OGDH: variants seen among roughly 807,000 people sequenced by gnomAD.
OGDH encodes oxoglutarate dehydrogenase, also known as 2-oxoglutarate dehydrogenase complex component E1.
In OGDH, 38 loss-of-function variants were observed where a neutral mutation model predicts 116.6. The observed-to-expected ratio is 0.33, with a 90% CI of 0.25 to 0.43. The LOEUF is 0.43. Among genes scored for constraint, OGDH ranks in the 20% least tolerant of loss-of-function variants. The probability of loss-of-function intolerance (pLI) is 1.00; values close to 1 mark genes in which losing one functional copy is unlikely to be tolerated. For missense variants in OGDH, 825 were observed against 1,357.2 expected (o/e 0.61, Z 6.16); for synonymous variants, 488 against 533.3 (o/e 0.92, Z 1.17).
chr7:44,672,677 CTA>C (rs1290417089), intron 5 of OGDH, among the ~76,000 whole-genome samples: 1 of 144,276 alleles, frequency 6.9e-6, no homozygotes, highest in Non-Finnish European at 1.5e-5. Context: ...GAGTCTCACT[CTA>C]TCGCCCAGGC....
At chr7:44,647,576 C>CTT (rs113649447) in intron 3 of OGDH, 81 bp from the exon 4 acceptor site, 257 of 1,551,190 alleles carry the variant, frequency 1.7e-4, no homozygotes, top group Non-Finnish European at 2.1e-4. Flanking sequence ...TGTAATTTTA[C>CTT]TTTTTTTTTA....
chr7:44,637,777 C>T (rs1785737826), intron 2 of OGDH, among the ~76,000 whole-genome samples: 1 of 151,820 alleles, frequency 6.6e-6, no homozygotes, highest in Non-Finnish European at 1.5e-5. Flanking sequence ...CAAGATCACG[C>T]CACTGCACTC....
rs373124686 is a variant in OGDH, at chr7:44,707,641, G to C, written c.2856G>C (p.Glu952Asp). Residue 952 changes from glutamate (E) to aspartate (D), a missense_variant, in exon 22 of 23, where the codon GAG (glutamate) becomes GAC (aspartate). Glu to Asp is a conservative substitution (Grantham distance 45, BLOSUM62 2). Around this residue, in one of 7 missense-constraint regions of OGDH, gnomAD observed 212 missense variants for 284.3 expected, o/e 0.75. Transcript: ENST00000222673. This position sits in a 1 kb window ranked among gnomAD's most constrained non-coding sequence, Gnocchi z 5.2. ...AGGTGCAGAAGTACCCCAATGCTGA[G>C]CTGGCCTGGTGCCAGGAGGAGCACA... ...LKEVQKYPNAELAWCQEEHKN... is the reference protein window; with the variant it reads ...LKEVQKYPNADLAWCQEEHKN... 31 of 1,614,084 alleles carry C rather than the reference G, an allele frequency of 1.9e-5. No homozygotes were observed. Among genetic ancestry groups the C allele is most frequent in the Non-Finnish European group, 2.6e-5 (31 of 1,180,052 alleles).
intron 5 of OGDH, among the ~76,000 whole-genome samples, chr7:44,669,097 C>G (rs537484960): frequency 1.4e-3 from 208 of 149,510 alleles, no homozygotes; most frequent in Middle Eastern, 7.0e-3. Flanking sequence ...GCAGACTCAG[C>G]ACTAGTACCT....
chr7:44,626,306 TACAC>T lies in OGDH; in HGVS notation c.222+1764_222+1767del, dbSNP rs374833881. On this transcript the variant is annotated intron_variant, in intron 2 of 22. Coordinates refer to ENST00000222673, the MANE Select transcript of OGDH (RefSeq NM_002541.4). ...GGCAGATTTCACACACACACACCCC[TACAC>T]ACACACACACACACACACACACCCC... is the stretch of plus-strand genomic sequence containing the variant. 8.8e-3 allele frequency among the ~76,000 whole-genome samples: 1,206 copies of T among 136,868 alleles called. 15 individuals carry two copies. Among genetic ancestry groups the T allele is most frequent in the African/African-American group, 0.028 (1,011 of 36,662 alleles). 89.8% of individuals were successfully genotyped at this position (136,868 alleles called of 152,430 possible). A position where few individuals can be genotyped will look rare whatever the true frequency, so the allele number is the denominator to read the frequency against.
intron 4 of OGDH, among the ~76,000 whole-genome samples, chr7:44,649,003 C>T (rs975598794): frequency 6.6e-6 from 1 of 152,038 alleles, no homozygotes; most frequent in African/African-American, 2.4e-5. Context: ...CAGCAAACCT[C>T]CCTGCTGGCA....
chr7:44,654,935 C>A (rs1433897168), intron 4 of OGDH, among the ~76,000 whole-genome samples: 1 of 152,200 alleles, frequency 6.6e-6, no homozygotes, highest in African/African-American at 2.4e-5. Context: ...GTTGGAAAAT[C>A]TGTGTGCTTT....
At position 44,673,682 on chromosome 7, in the gene OGDH, G is replaced by A. The variant is rs879118342; in HGVS notation, c.634-105G>A. On this transcript the variant is annotated intron_variant, in intron 5 of 22. Transcript: ENST00000222673. ...TTGATTGGAGTACATTTCAGAACAA[G>A]CCTCCTGCTTATCCCCTCCTTCTGG... 7 of 1,121,394 alleles carry A rather than the reference G, an allele frequency of 6.2e-6. No homozygotes were observed. The South Asian group carries it at 9.4e-5, about 15-fold the overall frequency. The allele number at this position is 1,121,394 out of a possible 1,614,324, so 69.5% of individuals were successfully genotyped here. A position where few individuals can be genotyped will look rare whatever the true frequency, so the allele number is the denominator to read the frequency against.
rs371928259 is a variant in OGDH, at chr7:44,707,217, T to C, written c.2633-8T>C. 6.3e-5 allele frequency: 102 copies of C among 1,613,722 alleles called. No homozygotes were observed. The highest frequency in any genetic ancestry group is 8.4e-5 in the Non-Finnish European group (99 of 1,179,840). On this transcript the variant is annotated splice_polypyrimidine_tract_variant and splice_region_variant and intron_variant, in intron 20 of 22. Coordinates refer to ENST00000222673, the MANE Select transcript of OGDH (RefSeq NM_002541.4). The surrounding 1 kb of genome is among the most constrained non-coding windows in gnomAD (Gnocchi z 5.2). Reference sequence around the variant, plus strand: ...AGAACCAGCCTAGCCATGGGAACTCTCTTGTAGGAACCCACTTCCAGCGGG... The same window carrying C: ...AGAACCAGCCTAGCCATGGGAACTCCCTTGTAGGAACCCACTTCCAGCGGG...
chr7:44,698,110 A>T, intron 17 of OGDH, 82 bp from the exon 18 acceptor site: 1 of 1,429,310 alleles, frequency 7.0e-7, no homozygotes, highest in South Asian at 1.2e-5. Context: ...GAAATGAGCT[A>T]GTTGGTTGAG....
chr7:44,681,770 TG>T lies in OGDH; in HGVS notation c.1258del (p.Val420CysfsTer49). 1 of 1,614,130 alleles carries T rather than the reference TG, an allele frequency of 6.2e-7. No homozygotes were observed. The highest frequency in any genetic ancestry group is 8.5e-7 in the Non-Finnish European group (1 of 1,180,028). The stretch of plus-strand genomic sequence containing the variant: ...ATGCTGCATTTGCTGGCCAGGGCAT[TG>T]TGTACGAGACCTTCCACCTCAGCGA... Reference protein sequence around the residue: ...GDAAFAGQGIVYETFHLSDLP... With the variant: ...GDAAFAGQGIXYETFHLSDLP... On this transcript the variant is annotated frameshift_variant, in exon 10 of 23. Transcript: ENST00000222673. LOFTEE classifies it high-confidence loss of function.
At chr7:44,615,742 A>G (rs1784742092) in intron 1 of OGDH, among the ~76,000 whole-genome samples, 1 of 152,188 alleles carries the variant, frequency 6.6e-6, no homozygotes, top group African/African-American at 2.4e-5. Flanking sequence ...AAAGAAAATC[A>G]AGAACTCAGT....
chr7:44,674,252 C>T (rs1787593057), intron 6 of OGDH, among the ~76,000 whole-genome samples, 159 bp from the exon 7 acceptor site: 1 of 152,184 alleles, frequency 6.6e-6, no homozygotes, highest in African/African-American at 2.4e-5. Context: ...ACCGTGTTGG[C>T]CAGGCTGGTC....
At chr7:44,676,453 G>C in intron 9 of OGDH, 1 of 440,554 alleles carries the variant, frequency 2.3e-6, no homozygotes, top group Non-Finnish European at 4.0e-6. Flanking sequence ...TACTCAGGAG[G>C]CTGAGGCAGG....
At chr7:44,654,845 C>G (rs957877234) in intron 4 of OGDH, among the ~76,000 whole-genome samples, 3 of 152,178 alleles carry the variant, frequency 2.0e-5, no homozygotes, top group Non-Finnish European at 4.4e-5. Flanking sequence ...GTGGCCAAAT[C>G]TCCATCCGCT....
At chr7:44,671,121 A>G (rs1787431172) in intron 5 of OGDH, among the ~76,000 whole-genome samples, 1 of 152,128 alleles carries the variant, frequency 6.6e-6, no homozygotes, top group Admixed American at 6.5e-5. Context: ...TGGATAATTT[A>G]TAATGAAAAA....
Position 44,696,118 on chromosome 7 carries a change from C to A in OGDH, c.1762C>A (p.Pro588Thr). 1 of 1,604,776 alleles carries A rather than the reference C, an allele frequency of 6.2e-7. No individual in the cohort carries two copies. The highest frequency in any genetic ancestry group is 8.5e-7 in the Non-Finnish European group (1 of 1,171,500). Reference sequence around the variant, plus strand: ...GCACATTAAGCACTGGCTGGACTCTCCCTGGCCTGGTGAGTGAAGAAACAG... The same window carrying A: ...GCACATTAAGCACTGGCTGGACTCTACCTGGCCTGGTGAGTGAAGAAACAG... ...ILHIKHWLDS[P>T]WPGFFTLDGQ... Residue 588 changes from proline (P) to threonine (T), a missense_variant, in exon 13 of 23, where the codon CCC (proline) becomes ACC (threonine). By Grantham distance (38) the Pro-to-Thr change is conservative (BLOSUM62 -1). Around this residue, in one of 7 missense-constraint regions of OGDH, gnomAD observed 92 missense variants for 129.7 expected, o/e 0.71. Coordinates refer to ENST00000222673, the MANE Select transcript of OGDH (RefSeq NM_002541.4).
intron 5 of OGDH, among the ~76,000 whole-genome samples, chr7:44,669,131 G>C (rs555721528): frequency 5.3e-4 from 72 of 135,692 alleles, no homozygotes; most frequent in African/African-American, 2.1e-3. Flanking sequence ...AGTCCCCTGT[G>C]GGGAGCCCGG....
intron 1 of OGDH, 52 bp from the exon 2 acceptor site, chr7:44,624,265 A>G (rs1785111116): frequency 8.1e-7 from 1 of 1,234,990 alleles, no homozygotes; most frequent in Admixed American, 2.2e-5. Context: ...TCTCCTAAAT[A>G]CTCATTTTTA....
Sources: allele counts gnomAD v4.1 joint callset (sites outside exome capture counted in the v4.1 genomes callset), GRCh38; gene constraint gnomAD v4.1.1; regional missense constraint gnomAD v4.1.1; non-coding constraint Gnocchi (gnomAD v3.1); transcripts MANE v1.5; gene names NCBI Gene and HGNC (gene_info 2026-07-23, HGNC 2026-07-21).